EBF2: variants seen among roughly 807,000 people sequenced by gnomAD.
EBF2 encodes transcription factor COE2.
In EBF2, 21 loss-of-function variants were observed where a neutral mutation model predicts 72.8. That is an observed-to-expected ratio of 0.29 (90% CI 0.20 to 0.42). EBF2 has a LOEUF of 0.42. Ranked by LOEUF, EBF2 falls within the 10% of genes least tolerant of loss-of-function variation. The pLI is 1.00. For synonymous variants in EBF2, 299 were observed against 274.2 expected, an observed-to-expected ratio of 1.09 and a Z score of -0.89; for missense variants, 637 against 731.2, an observed-to-expected ratio of 0.87 and a Z score of 1.49.
chr8:25,986,000 T>TCAAAAAAAAAAA (rs1804446214), intron 6 of EBF2, among the ~76,000 whole-genome samples: 1 of 2,520 alleles, frequency 4.0e-4, no homozygotes, highest in African/African-American at 1.6e-3. Flanking sequence ...AAACTCTGTC[T>TCAAAAAAAAAAA]CAAAAAAAAA....
intron 6 of EBF2, among the ~76,000 whole-genome samples, chr8:26,021,912 A>G (rs970580306): frequency 1.8e-4 from 27 of 152,216 alleles, no homozygotes; most frequent in Non-Finnish European, 2.2e-4. Flanking sequence ...TCCTCAGCTC[A>G]TGTGTCAGAA....
chr8:25,990,555 A>G (rs1376427142), intron 6 of EBF2, among the ~76,000 whole-genome samples: 1 of 152,200 alleles, frequency 6.6e-6, no homozygotes, highest in African/African-American at 2.4e-5. Context: ...GCTCCAGCAC[A>G]GAATCCAAGT....
intron 6 of EBF2, among the ~76,000 whole-genome samples, chr8:25,919,642 A>G (rs1563400612): frequency 2.6e-5 from 4 of 152,200 alleles, no homozygotes; most frequent in African/African-American, 9.6e-5. Flanking sequence ...ATTTTTTTTT[A>G]AACAAAGCTA....
chr8:25,949,816 T>C (rs1167616473), intron 6 of EBF2, among the ~76,000 whole-genome samples: 1 of 152,090 alleles, frequency 6.6e-6, no homozygotes, highest in Non-Finnish European at 1.5e-5. Flanking sequence ...GTCAGGAAAG[T>C]CAAAAATAAA....
intron 6 of EBF2, among the ~76,000 whole-genome samples, chr8:26,003,513 G>C (rs970777340): frequency 6.6e-6 from 1 of 152,102 alleles, no homozygotes; most frequent in African/African-American, 2.4e-5. Context: ...AATCAGATCC[G>C]GCTTCAGGAC....
At chr8:25,850,186 TACTGCAACCTC>T (rs1363594462) in intron 15 of EBF2, among the ~76,000 whole-genome samples, 1 of 152,174 alleles carries the variant, frequency 6.6e-6, no homozygotes, top group Non-Finnish European at 1.5e-5. Flanking sequence ...GATCTCAGCT[TACTGCAACCTC>T]TGCCTCCTAG....
chr8:26,040,702 G>C (rs758916562), intron 3 of EBF2, 31 bp from the exon 4 acceptor site: 1 of 1,551,264 alleles, frequency 6.4e-7, no homozygotes, highest in Non-Finnish European at 8.7e-7. Context: ...CGAGTCAAGG[G>C]CCGTAGAGCC....
chr8:25,930,850 T>C (rs118001834), intron 6 of EBF2, among the ~76,000 whole-genome samples: 2 of 152,254 alleles, frequency 1.3e-5, no homozygotes, highest in East Asian at 3.9e-4. Context: ...GGACACACAG[T>C]AGGCATATAG....
intron 14 of EBF2, among the ~76,000 whole-genome samples, chr8:25,856,370 T>G (rs1206877599): frequency 1.3e-5 from 2 of 152,218 alleles, no homozygotes; most frequent in African/African-American, 4.8e-5. Context: ...ATAAATACAT[T>G]AAATATTCCT....
intron 6 of EBF2, among the ~76,000 whole-genome samples, chr8:25,967,794 C>T (rs1804137320): frequency 6.6e-6 from 1 of 152,150 alleles, no homozygotes; most frequent in Non-Finnish European, 1.5e-5. Flanking sequence ...TTATGTTCCT[C>T]CACTTAAAAC....
intron 6 of EBF2, among the ~76,000 whole-genome samples, chr8:26,004,937 T>A (rs1195715674): frequency 6.6e-6 from 1 of 151,728 alleles, no homozygotes; most frequent in African/African-American, 2.4e-5. Context: ...GAATTATCTT[T>A]AATTTCTTCA....
chr8:26,004,548 G>A (rs1393255923), intron 6 of EBF2, among the ~76,000 whole-genome samples: 1 of 151,698 alleles, frequency 6.6e-6, no homozygotes, highest in Non-Finnish European at 1.5e-5. Context: ...GGTGGCATAC[G>A]CCTGTAGTCC....
chr8:25,884,946 A>G (rs1228413891), intron 10 of EBF2, among the ~76,000 whole-genome samples: 7 of 152,206 alleles, frequency 4.6e-5, no homozygotes, highest in Admixed American at 2.6e-4. Flanking sequence ...TATCTATAAA[A>G]TAATATTATT....
intron 14 of EBF2, among the ~76,000 whole-genome samples, chr8:25,853,322 C>T (rs1440246587): frequency 6.6e-6 from 1 of 151,624 alleles, no homozygotes; most frequent in African/African-American, 2.4e-5. Context: ...TCCTCAATAG[C>T]TCATAAGTTA....
intron 6 of EBF2, among the ~76,000 whole-genome samples, chr8:26,013,694 T>C (rs955240622): frequency 6.9e-6 from 1 of 145,550 alleles, no homozygotes; most frequent in Non-Finnish European, 1.5e-5. Flanking sequence ...CACCCACTAT[T>C]AAAAAAAAAA....
chr8:25,860,974 C>T, intron 13 of EBF2, 75 bp downstream of exon 13: 1 of 1,562,946 alleles, frequency 6.4e-7, no homozygotes, highest in South Asian at 1.1e-5. Context: ...TATGACCCAA[C>T]CTCTGACTCT....
chr8:26,035,718 A>G (rs1179248920), intron 5 of EBF2, among the ~76,000 whole-genome samples: 1 of 152,196 alleles, frequency 6.6e-6, no homozygotes, highest in African/African-American at 2.4e-5. Flanking sequence ...ACTTTCTTAA[A>G]TACCAGAGTT....
chr8:26,014,718 T>C (rs542864682), intron 6 of EBF2, among the ~76,000 whole-genome samples: 1 of 152,336 alleles, frequency 6.6e-6, no homozygotes, highest in East Asian at 1.9e-4. Flanking sequence ...TATAATCCTC[T>C]GTAAATTTGC....
chr8:25,919,122 A>G (rs1803269912), intron 6 of EBF2, among the ~76,000 whole-genome samples: 1 of 152,176 alleles, frequency 6.6e-6, no homozygotes. Context: ...TGGAGTCTCA[A>G]AGAAAAGTAT....
Sources: allele counts gnomAD v4.1 joint callset (sites outside exome capture counted in the v4.1 genomes callset), GRCh38; gene constraint gnomAD v4.1.1; transcripts MANE v1.5; gene names NCBI Gene and HGNC (gene_info 2026-07-23, HGNC 2026-07-21).